The following MCU variants were observed in gnomAD, a reference collection of about 807,000 sequenced individuals.
MCU encodes mitochondrial calcium uniporter.
Under a neutral mutation model 45.2 loss-of-function variants are expected in MCU, and 12 were observed. The ratio of observed to expected loss-of-function variants is 0.27; its 90% CI spans 0.17 to 0.43. The LOEUF (loss-of-function observed/expected upper bound fraction) is 0.43, where lower values mean the gene tolerates loss of function less well. Among genes scored for constraint, MCU ranks in the 20% least tolerant of loss-of-function variants. MCU has a pLI of 1.00. For missense variants in MCU, 324 were observed against 436.7 expected (o/e 0.74, Z 2.30); for synonymous variants, 160 against 165.1 (o/e 0.97, Z 0.24).
chr10:72,880,481 G>T (rs534779455), intron 6 of MCU, among the ~76,000 whole-genome samples: 20 of 149,808 alleles, frequency 1.3e-4, no homozygotes, highest in South Asian at 2.1e-4. Flanking sequence ...GGCAAAGCGG[G>T]GGGGGGGAAA....
At chr10:72,751,217 G>A (rs1843489667) in intron 1 of MCU, among the ~76,000 whole-genome samples, 2 of 151,316 alleles carry the variant, frequency 1.3e-5, no homozygotes, top group Admixed American at 1.3e-4. Flanking sequence ...TGGCCAGGCT[G>A]GCCTCGAACT....
intron 1 of MCU, among the ~76,000 whole-genome samples, chr10:72,719,600 T>C (rs1282288163): frequency 6.6e-6 from 1 of 152,200 alleles, no homozygotes; most frequent in Non-Finnish European, 1.5e-5. Context: ...ACATGTTCTT[T>C]TGGCTTTAAG....
intron 2 of MCU, among the ~76,000 whole-genome samples, chr10:72,855,456 C>G (rs1051101775): frequency 2.0e-5 from 3 of 151,872 alleles, no homozygotes; most frequent in Admixed American, 1.3e-4. Context: ...GTTACATATG[C>G]CTATAGTCCT....
At position 72,759,118 on chromosome 10, in the gene MCU, C is replaced by G. The variant is rs948052478; in HGVS notation, c.150+66817C>G. On this transcript the variant is annotated intron_variant, in intron 1 of 7. Coordinates refer to ENST00000373053, the MANE Select transcript of MCU (RefSeq NM_138357.3). Reference sequence around the variant, plus strand: ...AGGACGAGCCGCAGACAAAACTCCTCAAACACCAACTTAAAGAGGGAAGGG... The same window carrying G: ...AGGACGAGCCGCAGACAAAACTCCTGAAACACCAACTTAAAGAGGGAAGGG... Among the ~76,000 whole-genome samples, 3 of 152,284 alleles carry G rather than the reference C, an allele frequency of 2.0e-5. No individual in the cohort carries two copies. In the South Asian group the frequency reaches 6.2e-4, roughly 32 times the overall value.
chr10:72,875,110 TTATATC>T (rs1238487451), intron 6 of MCU, among the ~76,000 whole-genome samples: 1 of 152,142 alleles, frequency 6.6e-6, no homozygotes, highest in African/African-American at 2.4e-5. Flanking sequence ...TGCCCAAACA[TTATATC>T]TAGTACACTG....
At chr10:72,857,051 A>G (rs772304542) in intron 2 of MCU, among the ~76,000 whole-genome samples, 13 of 152,008 alleles carry the variant, frequency 8.6e-5, no homozygotes, top group African/African-American at 2.9e-4. Context: ...GGCTCAAGCA[A>G]TCCTTCTGCC....
At chr10:72,774,527 C>T (rs1045065257) in intron 1 of MCU, among the ~76,000 whole-genome samples, 10 of 152,050 alleles carry the variant, frequency 6.6e-5, no homozygotes, top group Admixed American at 6.6e-4. Flanking sequence ...CACAAAATGG[C>T]AGTCGTGAGT....
At chr10:72,813,668 A>T (rs2132805598) in intron 1 of MCU, among the ~76,000 whole-genome samples, 1 of 152,090 alleles carries the variant, frequency 6.6e-6, no homozygotes, top group African/African-American at 2.4e-5. Context: ...TATGTTGGCC[A>T]GGCTGGTCTC....
At position 72,742,887 on chromosome 10, in the gene MCU, G is replaced by A. The variant is rs117062626; in HGVS notation, c.150+50586G>A. On this transcript the variant is annotated intron_variant, in intron 1 of 7. Transcript: ENST00000373053. ...ACTCCTGAGGTGATTTCTAGGGGGT[G>A]CAATGCTATAAATGCTGCTAGGGAT... Among the ~76,000 whole-genome samples, 781 of 152,258 alleles carry A rather than the reference G, an allele frequency of 5.1e-3. 6 individuals carry two copies. Among genetic ancestry groups the A allele is most frequent in the South Asian group, 8.9e-3 (43 of 4,820 alleles).
Position 72,874,215 on chromosome 10 carries a change from G to A in MCU, c.861+2635G>A, listed in dbSNP as rs188175203. On this transcript the variant is annotated intron_variant, in intron 6 of 7. Transcript: ENST00000373053. ...AGTGTTGATTTATTCTTTATCAACC[G>A]AGGCTCCTTTATTGAATACCAGTAT... 2.0e-3 allele frequency among the ~76,000 whole-genome samples: 297 copies of A among 152,196 alleles called. 3 individuals are homozygous for A. The highest frequency in any genetic ancestry group is 8.7e-4 in the Non-Finnish European group (59 of 68,006).
intron 1 of MCU, among the ~76,000 whole-genome samples, chr10:72,785,724 T>A (rs1219371979): frequency 6.6e-6 from 1 of 152,256 alleles, no homozygotes; most frequent in Non-Finnish European, 1.5e-5. Flanking sequence ...GGGCTGCAAT[T>A]TTCATCTTGG....
intron 1 of MCU, among the ~76,000 whole-genome samples, chr10:72,720,227 A>G (rs566382285): frequency 2.0e-4 from 31 of 152,300 alleles, no homozygotes; most frequent in African/African-American, 7.5e-4. Flanking sequence ...CATGCCATAC[A>G]TACATGATTT....
chr10:72,791,892 G>A (rs1844166792), intron 1 of MCU, among the ~76,000 whole-genome samples: 1 of 151,366 alleles, frequency 6.6e-6, no homozygotes, highest in Admixed American at 6.6e-5. Flanking sequence ...AGAAGAGATT[G>A]CTACCTCAGT....
chr10:72,712,536 A>G (rs1017839491), intron 1 of MCU: 2 of 152,178 alleles, frequency 1.3e-5, no homozygotes, highest in Non-Finnish European at 2.9e-5. Flanking sequence ...GTTTGGAATT[A>G]TCTGCAATTT....
rs887845228 is a variant in MCU, at chr10:72,730,374, C to T, written c.150+38073C>T. Among the ~76,000 whole-genome samples, 10 of 146,110 alleles carry T rather than the reference C, an allele frequency of 6.8e-5. No individual in the cohort carries two copies. In the East Asian group the frequency reaches 1.0e-3, roughly 15 times the overall value. On this transcript the variant is annotated intron_variant, in intron 1 of 7. Coordinates refer to ENST00000373053, the MANE Select transcript of MCU (RefSeq NM_138357.3). ...CCTAGGCTAGAATGCAGAACCAATC[C>T]GCCTCCTGGGTTCAAGCTATTCTCC... is the stretch of plus-strand genomic sequence containing the variant.
chr10:72,754,818 C>T (rs1352129838), intron 1 of MCU, among the ~76,000 whole-genome samples: 1 of 150,988 alleles, frequency 6.6e-6, no homozygotes, highest in Non-Finnish European at 1.5e-5. Context: ...CTTAGCTAGA[C>T]ACTGCCTCAA....
At chr10:72,763,514 AT>A (rs1016539146) in intron 1 of MCU, among the ~76,000 whole-genome samples, 1 of 152,150 alleles carries the variant, frequency 6.6e-6, no homozygotes, top group African/African-American at 2.4e-5. Context: ...ATTAATTTTT[AT>A]TTTTTAAAGA....
At chr10:72,839,181 G>C (rs980802266) in intron 2 of MCU, among the ~76,000 whole-genome samples, 1 of 151,996 alleles carries the variant, frequency 6.6e-6, no homozygotes, top group East Asian at 1.9e-4. Flanking sequence ...GTAGAGAGGG[G>C]GTTTCACCAT....
At chr10:72,833,247 A>C (rs1402002922) in intron 1 of MCU, among the ~76,000 whole-genome samples, 1 of 152,190 alleles carries the variant, frequency 6.6e-6, no homozygotes, top group Non-Finnish European at 1.5e-5. Flanking sequence ...CATTAGAGGG[A>C]AATTAGTTAG....
Sources: gnomAD v4.1 joint callset for allele counts (sites outside exome capture counted in the v4.1 genomes callset) on GRCh38, gnomAD v4.1.1 for gene constraint, MANE v1.5 for transcripts, NCBI Gene and HGNC (gene_info 2026-07-23, HGNC 2026-07-21) for gene names.